IFT74: variants seen among roughly 807,000 people sequenced by gnomAD.
IFT74 encodes the protein intraflagellar transport 74, also known as intraflagellar transport protein 74 homolog.
IFT74 carries 92 observed loss-of-function variants against 96.7 expected under a neutral mutation model. That is an observed-to-expected ratio of 0.95 (90% CI 0.80 to 1.13). The LOEUF (loss-of-function observed/expected upper bound fraction) is 1.13, where lower values mean the gene tolerates loss of function less well. IFT74 is among the 50% of genes most tolerant of loss of function. IFT74 has a pLI of 0.00. For missense variants in IFT74, 811 were observed against 698.2 expected, an observed-to-expected ratio of 1.16 and a Z score of -1.82; for synonymous variants, 223 against 213.2, an observed-to-expected ratio of 1.05 and a Z score of -0.40.
upstream of IFT74, among the ~76,000 whole-genome samples, chr9:26,952,147 C>G (rs1403643053): frequency 6.6e-6 from 1 of 152,022 alleles, no homozygotes; most frequent in Non-Finnish European, 1.5e-5. Context: ...TTTAAGGACA[C>G]TTTTTCCTTT....
upstream of IFT74, among the ~76,000 whole-genome samples, chr9:26,952,835 GT>G (rs1360702217): frequency 6.6e-6 from 1 of 152,080 alleles, no homozygotes; most frequent in Non-Finnish European, 1.5e-5. Context: ...ACCCTGTCAT[GT>G]TCACTATTCA....
intron 2 of IFT74, among the ~76,000 whole-genome samples, chr9:26,975,249 G>A (rs999070932): frequency 6.6e-6 from 1 of 152,126 alleles, no homozygotes; most frequent in African/African-American, 2.4e-5. Flanking sequence ...TTCTCTTTTA[G>A]AGGAGTTGGT....
At position 26,981,029 on chromosome 9, in the gene IFT74, G is replaced by A. The variant is rs534609014; in HGVS notation, c.305+410G>A. Among the ~76,000 whole-genome samples the A allele has an allele frequency of 7.2e-5, 11 of 152,266 alleles. No individual in the cohort carries two copies. The East Asian group carries it at 1.2e-3, about 16-fold the overall frequency. On this transcript the variant is annotated intron_variant, in intron 4 of 19. Coordinates refer to ENST00000380062, the MANE Select transcript of IFT74 (RefSeq NM_025103.4). ...GCACCTGTTTCTCACAGATAGTGCCGTCAAGGTGTCCTCATGGCAGAAGAG... is the reference window on the plus strand; with the variant it reads ...GCACCTGTTTCTCACAGATAGTGCCATCAAGGTGTCCTCATGGCAGAAGAG...
chr9:27,024,259 C>A lies in IFT74; in HGVS notation c.975-4766C>A, dbSNP rs530902030. Among the ~76,000 whole-genome samples, 10 of 152,310 alleles carry A rather than the reference C, an allele frequency of 6.6e-5. No homozygotes were observed. In the South Asian group the frequency reaches 2.1e-3, roughly 32 times the overall value. ...CTACAACCAAGAACTCTCACAGAAT[C>A]CACTTCACTCTTCAGCTACCTCCAC... On this transcript the variant is annotated intron_variant, in intron 12 of 19. Coordinates refer to ENST00000380062, the MANE Select transcript of IFT74 (RefSeq NM_025103.4).
intron 14 of IFT74, among the ~76,000 whole-genome samples, chr9:27,046,789 C>T (rs1326512676): frequency 1.3e-5 from 2 of 152,114 alleles, no homozygotes; most frequent in African/African-American, 4.8e-5. Context: ...ATCAAGGTCA[C>T]AGGATTTAGG....
At chr9:27,050,701 C>T (rs1819882094) in intron 16 of IFT74, among the ~76,000 whole-genome samples, 1 of 126,930 alleles carries the variant, frequency 7.9e-6, no homozygotes, top group Non-Finnish European at 1.5e-5. Context: ...CACTTGGACA[C>T]AGGAAGGGGG....
intron 16 of IFT74, among the ~76,000 whole-genome samples, chr9:27,055,266 A>G (rs554417901): frequency 6.6e-6 from 1 of 152,276 alleles, no homozygotes; most frequent in Non-Finnish European, 1.5e-5. Context: ...TTTTCCCTAC[A>G]TAACTGTGTC....
intron 18 of IFT74, 58 bp downstream of exon 18, chr9:27,056,517 C>T (rs1255835994): frequency 1.4e-6 from 2 of 1,448,192 alleles, no homozygotes; most frequent in Admixed American, 2.4e-5. Flanking sequence ...CACCCCAAAA[C>T]AATCAATTTT....
At chr9:27,053,748 C>T (rs1275590791) in intron 16 of IFT74, among the ~76,000 whole-genome samples, 1 of 152,166 alleles carries the variant, frequency 6.6e-6, no homozygotes, top group Non-Finnish European at 1.5e-5. Flanking sequence ...AAATGTATTT[C>T]CCTAGTATAT....
chr9:26,957,988 C>T (rs1485580953), intron 1 of IFT74, among the ~76,000 whole-genome samples: 1 of 152,064 alleles, frequency 6.6e-6, no homozygotes, highest in Non-Finnish European at 1.5e-5. Flanking sequence ...CTCCTGATCT[C>T]GTGATCCACC....
At chr9:26,966,284 C>T (rs765711043) in intron 2 of IFT74, among the ~76,000 whole-genome samples, 1 of 151,936 alleles carries the variant, frequency 6.6e-6, no homozygotes, top group Admixed American at 6.6e-5. Flanking sequence ...AACTTACATT[C>T]CCCCCAACAC....
chr9:27,006,242 T>A (rs1483593335), intron 8 of IFT74, among the ~76,000 whole-genome samples: 1 of 152,202 alleles, frequency 6.6e-6, no homozygotes, highest in Non-Finnish European at 1.5e-5. Flanking sequence ...TGCATACTTT[T>A]GAAAGATATA....
intron 8 of IFT74, chr9:26,995,055 T>C (rs1451833727): frequency 6.6e-6 from 1 of 152,404 alleles, no homozygotes; most frequent in Non-Finnish European, 1.5e-5. Flanking sequence ...GATTTTATTC[T>C]GGGAGCATAA....
intron 10 of IFT74, among the ~76,000 whole-genome samples, chr9:27,015,228 A>G (rs929152925): frequency 7.9e-5 from 12 of 152,206 alleles, no homozygotes; most frequent in Non-Finnish European, 1.5e-4. Flanking sequence ...TTTTAATCTT[A>G]TCTGATGCCT....
chr9:27,031,485 C>A (rs10967673), intron 13 of IFT74, among the ~76,000 whole-genome samples: 6 of 151,066 alleles, frequency 4.0e-5, no homozygotes, highest in East Asian at 1.9e-4. Context: ...AAAAGAAATT[C>A]TTTTATTCTT....
intron 1 of IFT74, among the ~76,000 whole-genome samples, chr9:26,960,518 A>G (rs759354915): frequency 1.3e-5 from 2 of 152,208 alleles, no homozygotes; most frequent in Non-Finnish European, 2.9e-5. Context: ...ACGTTTAAGT[A>G]TCTTGGTCAT....
In IFT74 at chr9:27,060,583, GT is replaced by G; in HGVS notation, c.1624-3del. ...GTCCTAATTAATATTTTTCTTTTATGTTTTTAGCTTACAAATTTGGAGAGAA... is the reference window on the plus strand; with the variant it reads ...GTCCTAATTAATATTTTTCTTTTATGTTTTAGCTTACAAATTTGGAGAGAA... On this transcript the variant is annotated splice_region_variant and splice_polypyrimidine_tract_variant and intron_variant, in intron 18 of 19. Transcript: ENST00000380062. The G allele has an allele frequency of 6.3e-7, 1 of 1,580,206 alleles. No individual in the cohort carries two copies. Among genetic ancestry groups the G allele is most frequent in the Non-Finnish European group, 8.6e-7 (1 of 1,157,550 alleles).
At chr9:27,028,648 C>T (rs951989451) in intron 12 of IFT74, among the ~76,000 whole-genome samples, 13 of 151,626 alleles carry the variant, frequency 8.6e-5, no homozygotes, top group Non-Finnish European at 1.6e-4. Context: ...CCCAGCTATT[C>T]GGGAGGCTGA....
chr9:27,041,925 C>T (rs1819497708), intron 13 of IFT74, among the ~76,000 whole-genome samples: 1 of 152,130 alleles, frequency 6.6e-6, no homozygotes, highest in Admixed American at 6.5e-5. Context: ...TCTGTCCCAT[C>T]TAATCCAGCT....
Sources: gnomAD v4.1 joint callset for allele counts (sites outside exome capture counted in the v4.1 genomes callset) on GRCh38, gnomAD v4.1.1 for gene constraint, MANE v1.5 for transcripts, NCBI Gene and HGNC (gene_info 2026-07-23, HGNC 2026-07-21) for gene names.